The following SNX30 variants were observed in gnomAD, a reference collection of about 807,000 sequenced individuals.
SNX30 encodes the protein sorting nexin-30.
SNX30 carries 24 observed loss-of-function variants against 46.4 expected under a neutral mutation model. The ratio of observed to expected loss-of-function variants is 0.52; its 90% CI spans 0.37 to 0.73. The LOEUF (loss-of-function observed/expected upper bound fraction) is 0.73, where lower values mean the gene tolerates loss of function less well. Among genes scored for constraint, SNX30 ranks in the 30% least tolerant of loss-of-function variants. The probability of loss-of-function intolerance (pLI) is 0.00; values close to 1 mark genes in which losing one functional copy is unlikely to be tolerated. For missense variants in SNX30, 533 were observed against 555.7 expected, an observed-to-expected ratio of 0.96 and a Z score of 0.41; for synonymous variants, 189 against 211.5, an observed-to-expected ratio of 0.89 and a Z score of 0.92.
At chr9:112,798,107 G>GTTT (rs58014041) in intron 1 of SNX30, among the ~76,000 whole-genome samples, 35 of 81,058 alleles carry the variant, frequency 4.3e-4, no homozygotes, top group Non-Finnish European at 5.2e-4. Flanking sequence ...GTTGAGGTTT[G>GTTT]TTTTTTTTTT....
chr9:112,817,846 C>A, intron 3 of SNX30, 31 bp downstream of exon 3: 1 of 1,432,832 alleles, frequency 7.0e-7, no homozygotes, highest in Non-Finnish European at 9.9e-7. Context: ...GCTTGTTTCT[C>A]ACTTGTCCTG....
chr9:112,860,749 A>G (rs1375808359), intron 7 of SNX30, among the ~76,000 whole-genome samples: 1 of 152,218 alleles, frequency 6.6e-6, no homozygotes, highest in African/African-American at 2.4e-5. Flanking sequence ...AGAACATATA[A>G]TAATATAGTT....
Position 112,871,994 on chromosome 9 carries a change from T to A in SNX30, c.*3151T>A, listed in dbSNP as rs1181334847. On this transcript the variant is annotated 3_prime_UTR_variant, in exon 9 of 9. Coordinates refer to ENST00000374232, the MANE Select transcript of SNX30 (RefSeq NM_001012994.2). Reference sequence around the variant, plus strand: ...AAGTGTGATTATGGAGATGATTGGCTCCATATTCCACCACGTCATTCCTTC... The same window carrying A: ...AAGTGTGATTATGGAGATGATTGGCACCATATTCCACCACGTCATTCCTTC... 1 of 152,202 alleles carries A rather than the reference T, an allele frequency of 6.6e-6. No individual in the cohort carries two copies. Among genetic ancestry groups the A allele is most frequent in the Non-Finnish European group, 1.5e-5 (1 of 68,036 alleles). The allele number at this position is 152,202 out of a possible 1,614,324, so 9.4% of individuals were successfully genotyped here. A position where few individuals can be genotyped will look rare whatever the true frequency, so the allele number is the denominator to read the frequency against.
In SNX30 at chr9:112,873,417, G is replaced by A. The variant is rs997703856; in HGVS notation, c.*4574G>A. On this transcript the variant is annotated 3_prime_UTR_variant, in exon 9 of 9. Transcript: ENST00000374232. ...AATATGCCTTATTCTTCTTCACCTA[G>A]TGTTTTAAAAGTCCTGGGTAGAAAG... 5 of 152,220 alleles carry A rather than the reference G, an allele frequency of 3.3e-5. No homozygotes were observed. Among genetic ancestry groups the A allele is most frequent in the Admixed American group, 1.3e-4 (2 of 15,278 alleles). 9.4% of individuals were successfully genotyped at this position (152,220 alleles called of 1,614,324 possible). A position where few individuals can be genotyped will look rare whatever the true frequency, so the allele number is the denominator to read the frequency against.
At chr9:112,867,799 C>T (rs1278582457) in intron 8 of SNX30, among the ~76,000 whole-genome samples, 2 of 137,254 alleles carry the variant, frequency 1.5e-5, no homozygotes, top group African/African-American at 5.5e-5. Flanking sequence ...AACCCCTCTC[C>T]ACTTCCCCAA....
downstream of SNX30, among the ~76,000 whole-genome samples, chr9:112,883,027 A>G (rs1588148994): frequency 6.6e-6 from 1 of 152,200 alleles, no homozygotes; most frequent in East Asian, 1.9e-4. Context: ...ACAGCATTAG[A>G]TGTCGCCAAG....
At chr9:112,781,119 G>T (rs1021948100) in intron 1 of SNX30, among the ~76,000 whole-genome samples, 1 of 152,138 alleles carries the variant, frequency 6.6e-6, no homozygotes, top group Non-Finnish European at 1.5e-5. Flanking sequence ...TATATTTTTA[G>T]TGTGTTGTAG....
chr9:112,797,598 A>G (rs1019488884), intron 1 of SNX30, among the ~76,000 whole-genome samples: 1 of 152,002 alleles, frequency 6.6e-6, no homozygotes, highest in African/African-American at 2.4e-5. Context: ...AATTTCCCTA[A>G]ATATCTCAAA....
At chr9:112,834,619 C>T (rs748091840) in intron 4 of SNX30, among the ~76,000 whole-genome samples, 4 of 152,040 alleles carry the variant, frequency 2.6e-5, no homozygotes, top group Non-Finnish European at 5.9e-5. Flanking sequence ...GTGGAAGCTT[C>T]GTGACAGCAG....
downstream of SNX30, among the ~76,000 whole-genome samples, chr9:112,876,700 G>T (rs569935650): frequency 6.6e-6 from 1 of 152,092 alleles, no homozygotes; most frequent in South Asian, 2.1e-4. Context: ...ACTTTGGGAG[G>T]TCGAGGCAGG....
At chr9:112,760,673 T>A (rs1718162462) in intron 1 of SNX30, among the ~76,000 whole-genome samples, 1 of 152,218 alleles carries the variant, frequency 6.6e-6, no homozygotes, top group Non-Finnish European at 1.5e-5. Context: ...AACGGGTTCC[T>A]GGTTATAGGG....
At chr9:112,867,940 C>G (rs539672707) in intron 8 of SNX30, among the ~76,000 whole-genome samples, 2 of 152,206 alleles carry the variant, frequency 1.3e-5, no homozygotes, top group African/African-American at 4.8e-5. Flanking sequence ...TTCCAAAGGG[C>G]GAATCATTTC....
At chr9:112,880,025 G>C in exon 5 of SNX30, 2 of 481,330 alleles carry the variant, frequency 4.2e-6, no homozygotes, top group Non-Finnish European at 7.6e-6. Context: ...CTTCCCCATT[G>C]TTCCTTTAGA....
chr9:112,775,443 C>T (rs1216520928), intron 1 of SNX30, among the ~76,000 whole-genome samples: 6 of 151,968 alleles, frequency 3.9e-5, no homozygotes, highest in Admixed American at 6.6e-5. Flanking sequence ...CCACTGTGCC[C>T]GGCCTAAATT....
At chr9:112,842,261 A>G (rs907557271) in intron 6 of SNX30, among the ~76,000 whole-genome samples, 9 of 152,214 alleles carry the variant, frequency 5.9e-5, no homozygotes, top group Non-Finnish European at 1.0e-4. Context: ...GTTCTTCATC[A>G]GCTGCTGAAT....
At chr9:112,765,799 A>G (rs1191251324) in intron 1 of SNX30, among the ~76,000 whole-genome samples, 4 of 152,048 alleles carry the variant, frequency 2.6e-5, no homozygotes, top group Non-Finnish European at 2.9e-5. Context: ...AACACTTTAG[A>G]TCTATTTTCT....
Position 112,817,767 on chromosome 9 carries a change from C to T in SNX30, c.411C>T (p.Asp137=). 2 of 1,613,898 alleles carry T rather than the reference C, an allele frequency of 1.2e-6. No homozygotes were observed. The highest frequency in any genetic ancestry group is 1.7e-6 in the Non-Finnish European group (2 of 1,179,888). ...TTCGTCGAAGATACCAGGATTTTGA[C>T]TGGTTGAGGAGCAAACTGGAAGAAT... ...YSVRRRYQDF[D]WLRSKLEESQ... is the part of the protein sequence containing the mutation. Residue 137 remains aspartate (D), a synonymous_variant, in exon 3 of 9, where the codon GAC becomes GAT. Transcript: ENST00000374232.
At chr9:112,791,672 G>C (rs1840026754) in intron 1 of SNX30, among the ~76,000 whole-genome samples, 1 of 152,032 alleles carries the variant, frequency 6.6e-6, no homozygotes, top group Non-Finnish European at 1.5e-5. Flanking sequence ...GCCTCTCAAA[G>C]TACTGGGATT....
At chr9:112,768,650 T>TTCTTCTTC (rs1564262045) in intron 1 of SNX30, among the ~76,000 whole-genome samples, 15 of 8,560 alleles carry the variant, frequency 1.8e-3, no homozygotes, top group African/African-American at 6.2e-3. Flanking sequence ...CTTTCTTCTT[T>TTCTTCTTC]TTTTTTTTTT....
Sources: allele counts gnomAD v4.1 joint callset (sites outside exome capture counted in the v4.1 genomes callset), GRCh38; gene constraint gnomAD v4.1.1; transcripts MANE v1.5; gene names NCBI Gene and HGNC (gene_info 2026-07-23, HGNC 2026-07-21).